The following SMC1B variants were observed in gnomAD, a reference collection of about 807,000 sequenced individuals.
SMC1B encodes the protein structural maintenance of chromosomes protein 1B.
In SMC1B, 60 loss-of-function variants were observed where a neutral mutation model predicts 157.9. The ratio of observed to expected loss-of-function variants is 0.38; its 90% CI spans 0.31 to 0.47. The LOEUF (loss-of-function observed/expected upper bound fraction) is 0.47. Among genes scored for constraint, SMC1B ranks in the 20% least tolerant of loss-of-function variants. The probability of loss-of-function intolerance (pLI) is 0.99; values close to 1 mark genes in which losing one functional copy is unlikely to be tolerated. For missense variants in SMC1B, 1,165 were observed against 1,426.2 expected (o/e 0.82, Z 2.95); for synonymous variants, 445 against 483.0 (o/e 0.92, Z 1.03).
intron 12 of SMC1B, among the ~76,000 whole-genome samples, chr22:45,373,237 G>A (rs2086852275): frequency 6.6e-6 from 1 of 152,200 alleles, no homozygotes; most frequent in Non-Finnish European, 1.5e-5. Flanking sequence ...CTCAGGACCT[G>A]TTGAGGTGGT....
intron 1 of SMC1B, among the ~76,000 whole-genome samples, chr22:45,411,669 C>T (rs1318491313): frequency 6.6e-6 from 1 of 152,144 alleles, no homozygotes; most frequent in Non-Finnish European, 1.5e-5. Context: ...TCACTGCAGC[C>T]TCTGCCTCCC....
At chr22:45,346,889 T>C (rs560126686) in intron 23 of SMC1B, among the ~76,000 whole-genome samples, 2 of 152,258 alleles carry the variant, frequency 1.3e-5, no homozygotes, top group African/African-American at 4.8e-5. Flanking sequence ...ATCAGAAAAA[T>C]ACATCTCAAA....
In SMC1B at chr22:45,344,508, T is replaced by A; in HGVS notation, c.*48A>T. The A allele has an allele frequency of 1.5e-6, 2 of 1,341,064 alleles. No homozygotes were observed. The highest frequency in any genetic ancestry group is 2.1e-6 in the Non-Finnish European group (2 of 932,634). The allele number at this position is 1,341,064 out of a possible 1,614,324, so 83.1% of individuals were successfully genotyped here. A position where few individuals can be genotyped will look rare whatever the true frequency, so the allele number is the denominator to read the frequency against. On this transcript the variant is annotated 3_prime_UTR_variant, in exon 25 of 25. Transcript: ENST00000357450. ...CTCCTGTGGAGGAGCTGTGTGAGTA[T>A]TAGAGTGGGAACTGAACAGTGATCA... is the stretch of plus-strand genomic sequence containing the variant.
In SMC1B at chr22:45,383,515, C is replaced by T. The variant is rs766630772; in HGVS notation, c.2010G>A (p.Glu670=). 1 of 1,610,196 alleles carries T rather than the reference C, an allele frequency of 6.2e-7. No individual in the cohort carries two copies. Among genetic ancestry groups the T allele is most frequent in the African/African-American group, 1.3e-5 (1 of 74,646 alleles). The change falls in exon 12 of 25, where the codon GAG becomes GAA. Residue 670 remains glutamate, a synonymous_variant. Transcript: ENST00000357450. The part of the protein sequence containing the change: ...KYKARCWDEK[E]LKNLRDRRSQ... ...TTCGTCTGTCTCTTAGATTCTTTAA[C>T]TCTTTCTCATCCCAGCATCTAGCCT...
intron 10 of SMC1B, among the ~76,000 whole-genome samples, chr22:45,387,557 C>A (rs1211739578): frequency 6.6e-6 from 1 of 152,256 alleles, no homozygotes; most frequent in Admixed American, 6.5e-5. Flanking sequence ...TTTTTAAAAA[C>A]AAAACTTCAT....
Position 45,383,531 on chromosome 22 carries a change from C to A in SMC1B, c.1994G>T (p.Cys665Phe). ...ATTCTTTAACTCTTTCTCATCCCAG[C>A]ATCTAGCCTTGTATTTTAAGTCACT... ...GSSDLKYKAR[C>F]WDEKELKNLR... is the part of the protein sequence containing the mutation. The change falls in exon 12 of 25, where the codon TGC becomes TTC. Residue 665 changes from cysteine (C) to phenylalanine (F), a missense_variant. Coordinates refer to ENST00000357450, the MANE Select transcript of SMC1B (RefSeq NM_148674.5). 6.2e-7 allele frequency: 1 copy of A among 1,610,634 alleles called. No individual in the cohort carries two copies. Among genetic ancestry groups the A allele is most frequent in the Non-Finnish European group, 8.5e-7 (1 of 1,178,964 alleles).
At chr22:45,396,009 C>T (rs1417328240) in intron 7 of SMC1B, among the ~76,000 whole-genome samples, 1 of 152,130 alleles carries the variant, frequency 6.6e-6, no homozygotes, top group Admixed American at 6.6e-5. Flanking sequence ...CAAAAAGAAA[C>T]TAGCATGTAC....
chr22:45,403,396 T>C (rs4823292), intron 4 of SMC1B, among the ~76,000 whole-genome samples: 93,597 of 152,104 alleles, frequency 0.62, 31,051 homozygotes, highest in African/African-American at 0.87. Context: ...ATGAGCCAGG[T>C]GCTGGTCTAT....
intron 19 of SMC1B, 129 bp downstream of exon 19, chr22:45,358,568 T>C: frequency 3.4e-6 from 2 of 588,734 alleles, no homozygotes; most frequent in Non-Finnish European, 5.8e-6. Context: ...CCTTTGTATA[T>C]TTCTTCCAAA....
At chr22:45,403,240 T>C (rs2087217066) in intron 4 of SMC1B, among the ~76,000 whole-genome samples, 1 of 152,328 alleles carries the variant, frequency 6.6e-6, no homozygotes, top group Non-Finnish European at 1.5e-5. Context: ...ATTATTATAG[T>C]CTGACTTCCA....
intron 11 of SMC1B, among the ~76,000 whole-genome samples, chr22:45,385,006 G>C (rs1438758439): frequency 6.6e-6 from 1 of 151,872 alleles, no homozygotes; most frequent in African/African-American, 2.4e-5. Context: ...ATATTAAAAG[G>C]GCACAGTATA....
rs3833396 is a variant in SMC1B at position 45,353,893 on chromosome 22, C to CAAAAAAAAA, written c.3273+76_3273+84dup. On this transcript the variant is annotated intron_variant, in intron 21 of 24. Transcript: ENST00000357450. ...TAATGTGGCAGTGGTTATTTCCCAC[C>CAAAAAAAAA]AAAAAAAAAAAAAAAAAAAAAAAAA... is the stretch of plus-strand genomic sequence containing the variant. The CAAAAAAAAA allele has an allele frequency of 6.2e-3, 1,544 of 247,456 alleles. 261 individuals carry two copies. The highest frequency in any genetic ancestry group is 7.3e-3 in the Middle Eastern group (6 of 824). 15.3% of individuals were successfully genotyped at this position (247,456 alleles called of 1,614,324 possible). A position where few individuals can be genotyped will look rare whatever the true frequency, so the allele number is the denominator to read the frequency against.
At chr22:45,352,360 T>C (rs1426097570) in intron 22 of SMC1B, 91 bp downstream of exon 22, 73 of 1,199,820 alleles carry the variant, frequency 6.1e-5, no homozygotes, top group Non-Finnish European at 7.8e-5. Context: ...TTGCTAAATA[T>C]TAATAAAGAC....
chr22:45,364,199 T>C (rs906519443), intron 15 of SMC1B, among the ~76,000 whole-genome samples: 1 of 152,112 alleles, frequency 6.6e-6, no homozygotes, highest in African/African-American at 2.4e-5. Context: ...TCATTCCTAC[T>C]TTGCCAGCTT....
chr22:45,369,903 CTA>C (rs777686483), intron 15 of SMC1B, 49 bp downstream of exon 15: 4 of 1,022,974 alleles, frequency 3.9e-6, no homozygotes, highest in East Asian at 2.7e-5. Flanking sequence ...GAAATAATAA[CTA>C]TTTTTATAAA....
intron 1 of SMC1B, among the ~76,000 whole-genome samples, chr22:45,411,981 T>G (rs1448888988): frequency 4.2e-5 from 6 of 144,326 alleles, no homozygotes; most frequent in Non-Finnish European, 6.1e-5. Context: ...CGGGTTCAAG[T>G]GATTCTCCTG....
At chr22:45,360,535 T>G (rs767520470) in intron 17 of SMC1B, among the ~76,000 whole-genome samples, 1 of 152,170 alleles carries the variant, frequency 6.6e-6, no homozygotes, top group Non-Finnish European at 1.5e-5. Flanking sequence ...CTGTTTGGGC[T>G]GAGTGTGGTG....
intron 1 of SMC1B, among the ~76,000 whole-genome samples, chr22:45,411,926 T>C (rs1471428199): frequency 1.3e-5 from 2 of 152,090 alleles, no homozygotes; most frequent in African/African-American, 2.4e-5. Context: ...TCGCCCAGGC[T>C]GGAATGCAGT....
intron 18 of SMC1B, among the ~76,000 whole-genome samples, chr22:45,359,181 A>G (rs1313098603): frequency 4.6e-5 from 7 of 152,216 alleles, no homozygotes; most frequent in African/African-American, 7.2e-5. Flanking sequence ...GCCATTTTAG[A>G]TAAGAGATTT....
Sources: gnomAD v4.1 joint callset for allele counts (sites outside exome capture counted in the v4.1 genomes callset) on GRCh38, gnomAD v4.1.1 for gene constraint, MANE v1.5 for transcripts, NCBI Gene and HGNC (gene_info 2026-07-23, HGNC 2026-07-21) for gene names.